CNTN3: variants seen among roughly 807,000 people sequenced by gnomAD.
The protein encoded by CNTN3 is contactin 3.
A neutral mutation model predicts 119.1 loss-of-function variants in CNTN3; 60 were observed. That is an observed-to-expected ratio of 0.50 (90% CI 0.41 to 0.62). The LOEUF (loss-of-function observed/expected upper bound fraction) is 0.62, where lower values mean the gene tolerates loss of function less well. CNTN3 is among the 20% of genes least tolerant of loss of function. The pLI, the probability that CNTN3 is intolerant of heterozygous loss-of-function variation, is 0.00. For synonymous variants in CNTN3, 450 were observed against 438.7 expected, an observed-to-expected ratio of 1.03 and a Z score of -0.32; for missense variants, 1,101 against 1,242.4, an observed-to-expected ratio of 0.89 and a Z score of 1.71.
chr3:74,292,033 G>A (rs1702242115), intron 19 of CNTN3, among the ~76,000 whole-genome samples: 1 of 152,132 alleles, frequency 6.6e-6, no homozygotes, highest in East Asian at 1.9e-4. Context: ...TTTTCCTCCT[G>A]TGACCCTCCA....
Position 74,364,600 on chromosome 3 carries a change from G to T in CNTN3, c.1084-4C>A. 1 of 1,596,584 alleles carries T rather than the reference G, an allele frequency of 6.3e-7. No individual in the cohort carries two copies. The highest frequency in any genetic ancestry group is 8.6e-7 in the Non-Finnish European group (1 of 1,166,304). On this transcript the variant is annotated splice_region_variant and splice_polypyrimidine_tract_variant and intron_variant, in intron 9 of 22. Transcript: ENST00000263665. ...CATTTTCTATCTGTGTTCTCTCCTA[G>T]ATGATAATAAAAATATCTTTCATAT... is the stretch of plus-strand genomic sequence containing the variant.
At chr3:74,441,693 C>T (rs752417590) in intron 4 of CNTN3, among the ~76,000 whole-genome samples, 17 of 152,116 alleles carry the variant, frequency 1.1e-4, no homozygotes, top group Non-Finnish European at 2.4e-4. Flanking sequence ...AAACATATGT[C>T]TGTTGGAATA....
intron 5 of CNTN3, among the ~76,000 whole-genome samples, chr3:74,376,236 A>G (rs1233607487): frequency 6.6e-6 from 1 of 152,182 alleles, no homozygotes; most frequent in African/African-American, 2.4e-5. Flanking sequence ...TGTTTAAAGC[A>G]GGGGTGCCCA....
intron 5 of CNTN3, among the ~76,000 whole-genome samples, chr3:74,416,622 G>A (rs1420816654): frequency 6.6e-6 from 1 of 152,048 alleles, no homozygotes; most frequent in Non-Finnish European, 1.5e-5. Flanking sequence ...TGTTTTAGAA[G>A]GTGGAAAATG....
At chr3:74,510,028 TACATATATATAA>T (rs1402869373) in intron 2 of CNTN3, among the ~76,000 whole-genome samples, 4 of 87,348 alleles carry the variant, frequency 4.6e-5, no homozygotes. Flanking sequence ...TACATATATA[TACATATATATAA>T]GTTTTCATAT....
chr3:74,534,125 T>C (rs901252173), intron 1 of CNTN3, among the ~76,000 whole-genome samples: 1 of 152,050 alleles, frequency 6.6e-6, no homozygotes, highest in African/African-American at 2.4e-5. Context: ...ATCCTTCACA[T>C]GTTCTGCTCT....
chr3:74,381,725 G>A (rs1266087581), intron 5 of CNTN3, among the ~76,000 whole-genome samples: 1 of 152,002 alleles, frequency 6.6e-6, no homozygotes, highest in Non-Finnish European at 1.5e-5. Flanking sequence ...CTATGACTCT[G>A]TAGAAAAGTC....
chr3:74,340,352 T>C (rs554476158), intron 11 of CNTN3, among the ~76,000 whole-genome samples: 1 of 152,198 alleles, frequency 6.6e-6, no homozygotes, highest in South Asian at 2.1e-4. Context: ...ACTGAGAATA[T>C]GCTTGTACTT....
chr3:74,357,114 G>A (rs1703954917), intron 11 of CNTN3, among the ~76,000 whole-genome samples: 1 of 151,926 alleles, frequency 6.6e-6, no homozygotes, highest in Non-Finnish European at 1.5e-5. Context: ...TTTTAGTACA[G>A]ACAGGGTTTC....
chr3:74,362,484 T>C (rs1189146876), intron 10 of CNTN3, among the ~76,000 whole-genome samples: 2 of 152,192 alleles, frequency 1.3e-5, no homozygotes, highest in Non-Finnish European at 2.9e-5. Flanking sequence ...CTCATACATA[T>C]GCATGTATCA....
chr3:74,396,244 C>A (rs1705050734), intron 5 of CNTN3, among the ~76,000 whole-genome samples: 1 of 152,220 alleles, frequency 6.6e-6, no homozygotes, highest in Admixed American at 6.5e-5. Context: ...ATGTCAAAAG[C>A]CAGGAAAGGC....
At chr3:74,417,210 C>T (rs1417513244) in intron 5 of CNTN3, among the ~76,000 whole-genome samples, 3 of 152,218 alleles carry the variant, frequency 2.0e-5, no homozygotes, top group East Asian at 1.9e-4. Context: ...CTAGCAAACT[C>T]ATCATTTTCA....
At chr3:74,433,904 G>T (rs930487634) in intron 4 of CNTN3, among the ~76,000 whole-genome samples, 5 of 152,110 alleles carry the variant, frequency 3.3e-5, no homozygotes, top group Admixed American at 2.6e-4. Flanking sequence ...TGGGGGCTCT[G>T]CCAGGATTAG....
intron 4 of CNTN3, among the ~76,000 whole-genome samples, chr3:74,436,379 C>G (rs1404184498): frequency 6.6e-6 from 1 of 152,154 alleles, no homozygotes; most frequent in South Asian, 2.1e-4. Flanking sequence ...AGACCTCACA[C>G]CACACCTACC....
chr3:74,595,321 G>T (rs1212758902), intron 1 of CNTN3, among the ~76,000 whole-genome samples: 2 of 151,240 alleles, frequency 1.3e-5, no homozygotes, highest in South Asian at 2.1e-4. Flanking sequence ...GTCAATTTTG[G>T]CTTTTGTTGC....
intron 20 of CNTN3, among the ~76,000 whole-genome samples, chr3:74,267,796 T>G (rs1559671703): frequency 6.6e-6 from 1 of 152,132 alleles, no homozygotes; most frequent in Non-Finnish European, 1.5e-5. Flanking sequence ...ACTAGAGGGC[T>G]GCTTGTTCCT....
intron 5 of CNTN3, among the ~76,000 whole-genome samples, chr3:74,399,388 T>C (rs920694608): frequency 6.6e-6 from 1 of 152,188 alleles, no homozygotes; most frequent in Non-Finnish European, 1.5e-5. Flanking sequence ...CATGAGAACA[T>C]GTGGTAACTA....
intron 5 of CNTN3, among the ~76,000 whole-genome samples, chr3:74,418,658 T>C (rs1270696457): frequency 6.6e-6 from 1 of 152,030 alleles, no homozygotes; most frequent in African/African-American, 2.4e-5. Context: ...ATATTCTTTC[T>C]TCCCAAATAA....
intron 18 of CNTN3, among the ~76,000 whole-genome samples, chr3:74,297,327 C>A (rs1702359028): frequency 6.6e-6 from 1 of 150,672 alleles, no homozygotes; most frequent in South Asian, 2.1e-4. Context: ...TGATCTGAGA[C>A]AGGTCTCAAT....
Sources: allele counts gnomAD v4.1 joint callset (sites outside exome capture counted in the v4.1 genomes callset), GRCh38; gene constraint gnomAD v4.1.1; transcripts MANE v1.5; gene names NCBI Gene and HGNC (gene_info 2026-07-23, HGNC 2026-07-21).